Variants in ANO4 observed in about 807,000 individuals in gnomAD.
ANO4 encodes anoctamin-4.
ANO4 carries 69 observed loss-of-function variants against 141.9 expected under a neutral mutation model. The observed-to-expected ratio is 0.49, with a 90% CI of 0.40 to 0.59. The LOEUF (loss-of-function observed/expected upper bound fraction) is 0.59. Ranked by LOEUF, ANO4 falls within the 20% of genes least tolerant of loss-of-function variation. The pLI is 0.00. For missense variants in ANO4, 894 were observed against 1,162.2 expected (o/e 0.77, Z 3.36); for synonymous variants, 350 against 394.3 (o/e 0.89, Z 1.33).
chr12:101,015,270 C>G (rs948956565), intron 8 of ANO4, among the ~76,000 whole-genome samples: 2 of 152,184 alleles, frequency 1.3e-5, no homozygotes, highest in Non-Finnish European at 2.9e-5. Flanking sequence ...TATGTGTCCT[C>G]CCATAGTCAT....
At chr12:100,964,721 G>T (rs1229164992) in intron 5 of ANO4, among the ~76,000 whole-genome samples, 3 of 152,072 alleles carry the variant, frequency 2.0e-5, no homozygotes, top group Non-Finnish European at 4.4e-5. Flanking sequence ...TCACTGACTG[G>T]AATGCTCTCT....
intron 3 of ANO4, among the ~76,000 whole-genome samples, chr12:100,927,441 TAAAC>T (rs774125719): frequency 2.5e-4 from 38 of 152,092 alleles, no homozygotes; most frequent in African/African-American, 6.7e-4. Flanking sequence ...AAAACAAAAA[TAAAC>T]AAACAAAAAG....
chr12:100,897,971 T>C (rs755497720), intron 1 of ANO4, among the ~76,000 whole-genome samples: 37 of 152,230 alleles, frequency 2.4e-4, no homozygotes, highest in Non-Finnish European at 5.0e-4. Context: ...AAACAATGAG[T>C]GTTTATATTG....
intron 8 of ANO4, among the ~76,000 whole-genome samples, chr12:100,994,941 G>A: frequency 6.6e-6 from 1 of 152,132 alleles, no homozygotes; most frequent in African/African-American, 2.4e-5. Context: ...TGCGACTAGT[G>A]TCTAACGTGT....
chr12:101,013,463 G>A (rs759043318), intron 8 of ANO4, among the ~76,000 whole-genome samples: 3 of 152,222 alleles, frequency 2.0e-5, no homozygotes, highest in Admixed American at 6.5e-5. Flanking sequence ...CCTACACATA[G>A]TCCTGTAGGG....
At chr12:100,726,409 A>C (rs2031122629) in intron 1 of ANO4, among the ~76,000 whole-genome samples, 1 of 152,160 alleles carries the variant, frequency 6.6e-6, no homozygotes, top group Non-Finnish European at 1.5e-5. Flanking sequence ...TACACTTGTA[A>C]TTCTCCCATT....
intron 1 of ANO4, among the ~76,000 whole-genome samples, chr12:100,801,483 G>A (rs916018531): frequency 6.8e-6 from 1 of 147,866 alleles, no homozygotes. Context: ...ATTGCATTAA[G>A]TACCAAGGAA....
intron 16 of ANO4, among the ~76,000 whole-genome samples, chr12:101,085,186 C>T (rs566908601): frequency 1.3e-5 from 2 of 152,294 alleles, no homozygotes; most frequent in Admixed American, 6.5e-5. Context: ...AGAGGCCTTC[C>T]TGAGGCCTGG....
chr12:101,118,713 T>C (rs61612477), intron 25 of ANO4, among the ~76,000 whole-genome samples: 7,706 of 152,192 alleles, frequency 0.051, 624 homozygotes, highest in African/African-American at 0.17. Context: ...GCTTTCTTTT[T>C]ATTTATTTAT....
intron 14 of ANO4, among the ~76,000 whole-genome samples, chr12:101,049,561 G>A (rs201833423): frequency 8.0e-6 from 1 of 124,236 alleles, no homozygotes; most frequent in Non-Finnish European, 1.9e-5. Flanking sequence ...ATAGATAGGT[G>A]GATGGATGGA....
At chr12:100,810,098 G>A (rs1193907474) in intron 1 of ANO4, among the ~76,000 whole-genome samples, 1 of 152,036 alleles carries the variant, frequency 6.6e-6, no homozygotes, top group African/African-American at 2.4e-5. Context: ...GTTAAGCAGT[G>A]GTATATGATG....
intron 4 of ANO4, among the ~76,000 whole-genome samples, chr12:100,941,204 CT>C (rs1270627193): frequency 1.3e-5 from 2 of 149,172 alleles, no homozygotes; most frequent in East Asian, 3.9e-4. Context: ...AAATGTTTTT[CT>C]TGTTGTGGGT....
chr12:100,734,381 C>T (rs568609737), intron 2 of ANO4, among the ~76,000 whole-genome samples: 69 of 152,230 alleles, frequency 4.5e-4, no homozygotes, highest in African/African-American at 1.4e-3. Context: ...AAGAGTGAGC[C>T]GTGCCATTTT....
chr12:100,828,335 C>G (rs1365980788), intron 1 of ANO4, among the ~76,000 whole-genome samples: 1 of 152,020 alleles, frequency 6.6e-6, no homozygotes, highest in Admixed American at 6.6e-5. Context: ...AAACCTCATT[C>G]CTATTTTCCA....
chr12:101,097,824 T>C, intron 20 of ANO4, 24 bp from the exon 21 acceptor site: 1 of 1,611,098 alleles, frequency 6.2e-7, no homozygotes, highest in Non-Finnish European at 8.5e-7. Context: ...GATTCTGGAA[T>C]TTCTGTGTTT....
intron 2 of ANO4, among the ~76,000 whole-genome samples, chr12:100,921,344 G>A (rs2041623022): frequency 1.3e-5 from 2 of 152,090 alleles, no homozygotes; most frequent in African/African-American, 4.8e-5. Context: ...CCGAAATTTT[G>A]TATAAGGCTG....
At chr12:100,998,810 A>G (rs965534978) in intron 8 of ANO4, among the ~76,000 whole-genome samples, 6 of 152,178 alleles carry the variant, frequency 3.9e-5, no homozygotes, top group African/African-American at 9.7e-5. Flanking sequence ...TCAAAACTCA[A>G]TTTCAGAAAA....
intron 1 of ANO4, among the ~76,000 whole-genome samples, chr12:100,721,314 C>T (rs1334409960): frequency 6.6e-6 from 1 of 152,136 alleles, no homozygotes; most frequent in Non-Finnish European, 1.5e-5. Context: ...TGACAGATGG[C>T]AGAGTCAGCT....
At position 101,096,444 on chromosome 12, in the gene ANO4, GTCCCCACC is replaced by G. The variant is rs1446168939; in HGVS notation, c.1739-91_1739-84del. 1.2e-4 allele frequency: 115 copies of G among 997,036 alleles called. 1 individual carries two copies. The highest frequency in any genetic ancestry group is 7.8e-6 in the Non-Finnish European group (5 of 640,128). The allele number at this position is 997,036 out of a possible 1,614,324, so 61.8% of individuals were successfully genotyped here. On this transcript the variant is annotated intron_variant, in intron 18 of 27. Transcript: ENST00000392977. ...CCTGCAGCCTCCTCAGGACTCCTGCGTCCCCACCCTGTGTGTGTGGGGAGGGAAAGAGA... is the reference window on the plus strand; with the variant it reads ...CCTGCAGCCTCCTCAGGACTCCTGCGCTGTGTGTGTGGGGAGGGAAAGAGA...
Sources: gnomAD v4.1 joint callset for allele counts (sites outside exome capture counted in the v4.1 genomes callset) on GRCh38, gnomAD v4.1.1 for gene constraint, MANE v1.5 for transcripts, NCBI Gene and HGNC (gene_info 2026-07-23, HGNC 2026-07-21) for gene names.